The following MACROD2 variants were observed in gnomAD, a reference collection of about 807,000 sequenced individuals.
MACROD2 encodes the protein ADP-ribose glycohydrolase MACROD2.
MACROD2 carries 36 observed loss-of-function variants against 70.4 expected under a neutral mutation model. The observed-to-expected ratio is 0.51, with a 90% CI of 0.39 to 0.68. The LOEUF (loss-of-function observed/expected upper bound fraction) is 0.68, where lower values mean the gene tolerates loss of function less well. Among genes scored for constraint, MACROD2 ranks in the 30% least tolerant of loss-of-function variants. MACROD2 has a pLI of 0.00. For synonymous variants in MACROD2, 172 were observed against 178.8 expected, an observed-to-expected ratio of 0.96 and a Z score of 0.30; for missense variants, 496 against 538.4, an observed-to-expected ratio of 0.92 and a Z score of 0.78.
chr20:14,801,280 A>G (rs1180471532), intron 5 of MACROD2, among the ~76,000 whole-genome samples: 1 of 152,146 alleles, frequency 6.6e-6, no homozygotes, highest in Non-Finnish European at 1.5e-5. Context: ...TTCTCTACAG[A>G]AAAGCTACTC....
intron 3 of MACROD2, among the ~76,000 whole-genome samples, chr20:14,101,823 C>G (rs912021429): frequency 1.9e-4 from 29 of 150,924 alleles, no homozygotes; most frequent in African/African-American, 6.6e-4. Flanking sequence ...GGCATTTATT[C>G]CATGTTATTT....
chr20:14,920,133 C>T lies in MACROD2; in HGVS notation c.418+235174C>T, dbSNP rs144472728. On this transcript the variant is annotated intron_variant, in intron 5 of 17. Coordinates refer to ENST00000684519, the MANE Select transcript of MACROD2 (RefSeq NM_001351661.2). ...GAATTAATTCCCTTTTGAGTTAACC[C>T]GCGCCTGGTTCCTCTCAGTAACTAC... Among the ~76,000 whole-genome samples, 62 of 152,276 alleles carry T rather than the reference C, an allele frequency of 4.1e-4. 1 individual carries two copies. Among genetic ancestry groups the T allele is most frequent in the African/African-American group, 1.1e-3 (45 of 41,556 alleles).
intron 3 of MACROD2, among the ~76,000 whole-genome samples, chr20:14,430,075 G>A (rs1036300206): frequency 2.6e-5 from 4 of 152,228 alleles, no homozygotes; most frequent in South Asian, 4.1e-4. Context: ...GTTTGTTAGC[G>A]TTGGAGAAAG....
chr20:14,021,038 G>A (rs1326824377), intron 2 of MACROD2, among the ~76,000 whole-genome samples: 3 of 134,092 alleles, frequency 2.2e-5, no homozygotes, highest in African/African-American at 8.8e-5. Flanking sequence ...TGCCCAGGCT[G>A]GAGTGCAGTG....
intron 15 of MACROD2, among the ~76,000 whole-genome samples, chr20:16,025,553 C>T (rs2067066363): frequency 6.6e-6 from 1 of 151,752 alleles, no homozygotes; most frequent in Non-Finnish European, 1.5e-5. Flanking sequence ...CTGAGCCACC[C>T]AGAGATGTCA....
chr20:14,828,786 G>T (rs1430079375), intron 5 of MACROD2, among the ~76,000 whole-genome samples: 1 of 151,908 alleles, frequency 6.6e-6, no homozygotes, highest in African/African-American at 2.4e-5. Flanking sequence ...ATTAACCATT[G>T]CATTTTTACT....
At chr20:15,946,550 A>G (rs2065825504) in intron 12 of MACROD2, among the ~76,000 whole-genome samples, 1 of 152,208 alleles carries the variant, frequency 6.6e-6, no homozygotes, top group African/African-American at 2.4e-5. Context: ...CTTAAATGTT[A>G]TCATGAACTA....
chr20:14,680,899 A>G (rs2070924168), intron 4 of MACROD2, among the ~76,000 whole-genome samples: 1 of 152,164 alleles, frequency 6.6e-6, no homozygotes, highest in African/African-American at 2.4e-5. Flanking sequence ...AAAATGAAAT[A>G]TTTGAAACTT....
chr20:15,541,405 T>C (rs1043511916), intron 8 of MACROD2, among the ~76,000 whole-genome samples: 9 of 152,028 alleles, frequency 5.9e-5, no homozygotes, highest in Admixed American at 1.3e-4. Flanking sequence ...GTAGAAAAAA[T>C]AGGAGACTCT....
At chr20:14,515,465 G>GCGCGCGCACACACACA (rs1369248292) in intron 4 of MACROD2, among the ~76,000 whole-genome samples, 81 of 127,172 alleles carry the variant, frequency 6.4e-4, no homozygotes, top group African/African-American at 1.8e-3. Flanking sequence ...ACACACACAC[G>GCGCGCGCACACACACA]CACACACACA....
intron 4 of MACROD2, among the ~76,000 whole-genome samples, chr20:14,632,179 T>C (rs1266428313): frequency 6.6e-6 from 1 of 152,148 alleles, no homozygotes; most frequent in Non-Finnish European, 1.5e-5. Context: ...TGCTTCTCTT[T>C]CTATTAAGGG....
intron 8 of MACROD2, among the ~76,000 whole-genome samples, chr20:15,782,190 T>C (rs1014344392): frequency 5.3e-5 from 8 of 152,072 alleles, no homozygotes; most frequent in African/African-American, 1.9e-4. Flanking sequence ...GAAGATTAAA[T>C]GAGACAGGAC....
chr20:14,083,283 C>T (rs1054985803), intron 2 of MACROD2, among the ~76,000 whole-genome samples: 6 of 151,844 alleles, frequency 4.0e-5, no homozygotes, highest in East Asian at 1.9e-4. Context: ...AATAGCTGGG[C>T]GTGGTGGTGG....
At chr20:14,282,457 A>G (rs1207790055) in intron 3 of MACROD2, among the ~76,000 whole-genome samples, 2 of 152,200 alleles carry the variant, frequency 1.3e-5, no homozygotes, top group African/African-American at 4.8e-5. Flanking sequence ...TGACCTCTCC[A>G]TGTGACCTGG....
intron 3 of MACROD2, among the ~76,000 whole-genome samples, chr20:14,232,050 C>A (rs1264205028): frequency 6.6e-6 from 1 of 152,076 alleles, no homozygotes; most frequent in Non-Finnish European, 1.5e-5. Flanking sequence ...AGCCCTTTGT[C>A]AGATGAGTAG....
In MACROD2 at chr20:15,369,033, T is replaced by C. The variant is rs6105401; in HGVS notation, c.541-62372T>C. ...GAATAGAGTATATGTCTGGTATGAA[T>C]TGTGCCATTATAATGGTTCCTGATA... On this transcript the variant is annotated intron_variant, in intron 6 of 17. Coordinates refer to ENST00000684519, the MANE Select transcript of MACROD2 (RefSeq NM_001351661.2). Among the ~76,000 whole-genome samples the C allele has an allele frequency of 8.7e-3, 1,318 of 152,288 alleles. 16 individuals carry two copies. The highest frequency in any genetic ancestry group is 0.03 in the African/African-American group (1,255 of 41,568).
At chr20:14,516,542 A>C (rs407908) in intron 4 of MACROD2, among the ~76,000 whole-genome samples, 124,814 of 152,072 alleles carry the variant, frequency 0.82, 51,638 homozygotes, top group East Asian at 1. Context: ...TTCCCAGCAC[A>C]GTTTATTAAA....
Position 16,052,298 on chromosome 20 carries a change from A to G in MACROD2, c.*2422A>G, listed in dbSNP as rs2067468346. 6.6e-6 allele frequency: 1 copy of G among 152,210 alleles called. No homozygotes were observed. The highest frequency in any genetic ancestry group is 1.5e-5 in the Non-Finnish European group (1 of 68,034). 9.4% of individuals were successfully genotyped at this position (152,210 alleles called of 1,614,324 possible). ...ATAGCCAGATCAAAGACACCTGAAC[A>G]CAGAAAACCTTTATTTGCTGGTGCT... On this transcript the variant is annotated 3_prime_UTR_variant, in exon 18 of 18. Transcript: ENST00000684519.
chr20:15,291,294 G>A (rs2146107264), intron 6 of MACROD2, among the ~76,000 whole-genome samples: 1 of 152,234 alleles, frequency 6.6e-6, no homozygotes, highest in East Asian at 1.9e-4. Flanking sequence ...AAAGTCTTTT[G>A]GGATTTAGAT....
Sources: allele counts gnomAD v4.1 joint callset (sites outside exome capture counted in the v4.1 genomes callset), GRCh38; gene constraint gnomAD v4.1.1; transcripts MANE v1.5; gene names NCBI Gene and HGNC (gene_info 2026-07-23, HGNC 2026-07-21).